IPCEF1: variants seen among roughly 807,000 people sequenced by gnomAD.
The protein encoded by IPCEF1 is interaction protein for cytohesin exchange factors 1, also known as interactor protein for cytohesin exchange factors 1.
In IPCEF1, 31 loss-of-function variants were observed where a neutral mutation model predicts 50.9. That is an observed-to-expected ratio of 0.61 (90% CI 0.46 to 0.82). The LOEUF is 0.82. Ranked by LOEUF, IPCEF1 falls within the 40% of genes least tolerant of loss-of-function variation. IPCEF1 has a pLI of 0.00. For missense variants in IPCEF1, 458 were observed against 514.0 expected (o/e 0.89, Z 1.05); for synonymous variants, 181 against 192.0 (o/e 0.94, Z 0.47).
intron 6 of IPCEF1, chr6:154,222,908 AT>A (rs1392594684): frequency 6.0e-6 from 3 of 499,212 alleles, no homozygotes; most frequent in Non-Finnish European, 1.1e-5. Context: ...GGTTTATTCC[AT>A]CACAGACACA....
intron 1 of IPCEF1, among the ~76,000 whole-genome samples, chr6:154,299,524 C>T (rs1261101785): frequency 7.1e-6 from 1 of 141,278 alleles, no homozygotes; most frequent in African/African-American, 2.5e-5. Flanking sequence ...CATGCCCTCA[C>T]TTATAAGTGG....
At chr6:154,214,318 G>GC (rs1778208988) in intron 7 of IPCEF1, 42 bp from the exon 8 acceptor site, 5 of 1,347,912 alleles carry the variant, frequency 3.7e-6, no homozygotes, top group African/African-American at 1.4e-5. Context: ...AAAGAGATTA[G>GC]CCCCCCACCC....
chr6:154,204,902 C>T (rs1777364074), intron 9 of IPCEF1, among the ~76,000 whole-genome samples: 1 of 152,198 alleles, frequency 6.6e-6, no homozygotes, highest in Non-Finnish European at 1.5e-5. Context: ...CCTCCACCTG[C>T]ATCTCCTCCC....
chr6:154,273,724 C>CTTTTTTTTTTTTTTTTTTTTTTTT (rs71021036), intron 2 of IPCEF1, among the ~76,000 whole-genome samples: 4 of 63,314 alleles, frequency 6.3e-5, no homozygotes, highest in Admixed American at 2.3e-4. Context: ...TTCTTTCTTT[C>CTTTTTTTTTTTTTTTTTTTTTTTT]TTTTTTTTTT....
At chr6:154,335,108 T>C (rs1262628162) in intron 1 of IPCEF1, among the ~76,000 whole-genome samples, 4 of 151,868 alleles carry the variant, frequency 2.6e-5, no homozygotes, top group Non-Finnish European at 5.9e-5. Context: ...AGCCCAGGAG[T>C]TTGAGACCAG....
At chr6:154,322,876 T>A (rs1184372821) in intron 1 of IPCEF1, among the ~76,000 whole-genome samples, 1 of 151,874 alleles carries the variant, frequency 6.6e-6, no homozygotes, top group Non-Finnish European at 1.5e-5. Flanking sequence ...GAGGAACCTA[T>A]ACTTTAAACG....
chr6:154,340,628 G>A (rs963295639), intron 1 of IPCEF1, among the ~76,000 whole-genome samples: 1 of 150,888 alleles, frequency 6.6e-6, no homozygotes, highest in Non-Finnish European at 1.5e-5. Flanking sequence ...ACTCACGCCT[G>A]TAATCCCAGC....
chr6:154,193,250 A>C (rs1802092281), intron 10 of IPCEF1, among the ~76,000 whole-genome samples: 1 of 152,222 alleles, frequency 6.6e-6, no homozygotes, highest in South Asian at 2.1e-4. Flanking sequence ...CCATTATTCT[A>C]AGTGAAGTAA....
At chr6:154,172,655 G>A (rs1480964941) in intron 10 of IPCEF1, among the ~76,000 whole-genome samples, 2 of 152,230 alleles carry the variant, frequency 1.3e-5, no homozygotes, top group Admixed American at 6.5e-5. Flanking sequence ...AAGCAGCAGG[G>A]AAGCTCGAAC....
At chr6:154,275,296 C>A (rs1262229379) in intron 2 of IPCEF1, among the ~76,000 whole-genome samples, 1 of 152,200 alleles carries the variant, frequency 6.6e-6, no homozygotes, top group African/African-American at 2.4e-5. Flanking sequence ...CAAAGGGCAC[C>A]AGCTCCCTAA....
intron 5 of IPCEF1, among the ~76,000 whole-genome samples, chr6:154,239,820 C>A (rs1773122460): frequency 6.6e-6 from 1 of 152,240 alleles, no homozygotes; most frequent in African/African-American, 2.4e-5. Flanking sequence ...TCTCTTGCCT[C>A]AGTCTCCCAA....
intron 11 of IPCEF1, among the ~76,000 whole-genome samples, chr6:154,164,484 G>C (rs889295529): frequency 6.6e-6 from 1 of 152,202 alleles, no homozygotes; most frequent in African/African-American, 2.4e-5. Context: ...GCCTCATCCA[G>C]CAGCCCAGCT....
chr6:154,331,325 AGAAGGGAG>A (rs902099758), intron 1 of IPCEF1, among the ~76,000 whole-genome samples: 1 of 147,962 alleles, frequency 6.8e-6, no homozygotes, highest in Non-Finnish European at 1.5e-5. Context: ...AAGAAGAAGA[AGAAGGGAG>A]GAAGGGAGGA....
At chr6:154,331,554 T>C (rs189177757) in intron 1 of IPCEF1, among the ~76,000 whole-genome samples, 9 of 151,922 alleles carry the variant, frequency 5.9e-5, no homozygotes, top group Non-Finnish European at 1.0e-4. Flanking sequence ...ATATAATAAT[T>C]TGTTGCAGTC....
chr6:154,277,689 T>A (rs750096243), intron 2 of IPCEF1, among the ~76,000 whole-genome samples: 53 of 152,242 alleles, frequency 3.5e-4, no homozygotes, highest in Non-Finnish European at 7.1e-4. Context: ...TACTGCGAAG[T>A]AATACAAAAA....
In IPCEF1 at chr6:154,178,540, G is replaced by A. The variant is rs990876947; in HGVS notation, c.911-10427C>T. Reference sequence around the variant, plus strand: ...TTTCTTTTTCTAACTTAAACTTTGGGTTGGGCAACTGTGTATATGTAAATA... The same window carrying A: ...TTTCTTTTTCTAACTTAAACTTTGGATTGGGCAACTGTGTATATGTAAATA... On this transcript the variant is annotated intron_variant, in intron 10 of 11. Coordinates refer to ENST00000367220, the MANE Select transcript of IPCEF1 (RefSeq NM_001130700.2). Among the ~76,000 whole-genome samples, 4 of 152,036 alleles carry A rather than the reference G, an allele frequency of 2.6e-5. No individual in the cohort carries two copies. In the South Asian group the frequency reaches 8.3e-4, roughly 32 times the overall value.
intron 1 of IPCEF1, among the ~76,000 whole-genome samples, chr6:154,311,645 T>C (rs1783079876): frequency 1.3e-5 from 2 of 152,108 alleles, no homozygotes; most frequent in Non-Finnish European, 2.9e-5. Flanking sequence ...AATAGATAGT[T>C]CCCAAAAGAA....
chr6:154,176,783 A>G (rs1232950725), intron 10 of IPCEF1, among the ~76,000 whole-genome samples: 1 of 152,148 alleles, frequency 6.6e-6, no homozygotes, highest in Non-Finnish European at 1.5e-5. Context: ...GCTCCCACTG[A>G]CTCTTCACAG....
intron 2 of IPCEF1, among the ~76,000 whole-genome samples, chr6:154,271,446 A>G (rs1781900086): frequency 6.6e-6 from 1 of 152,148 alleles, no homozygotes; most frequent in South Asian, 2.1e-4. Flanking sequence ...ACAATGTAAA[A>G]TGTGCAAGTC....
Sources: gnomAD v4.1 joint callset for allele counts (sites outside exome capture counted in the v4.1 genomes callset) on GRCh38, gnomAD v4.1.1 for gene constraint, MANE v1.5 for transcripts, NCBI Gene and HGNC (gene_info 2026-07-23, HGNC 2026-07-21) for gene names.